NCOR1: variants seen among roughly 807,000 people sequenced by gnomAD.
The protein encoded by NCOR1 is nuclear receptor corepressor 1, also known as protein phosphatase 1, regulatory subunit 109.
In NCOR1, 63 loss-of-function variants were observed where a neutral mutation model predicts 288.1. The ratio of observed to expected loss-of-function variants is 0.22; its 90% CI spans 0.18 to 0.27. The LOEUF (loss-of-function observed/expected upper bound fraction) is 0.27, where lower values mean the gene tolerates loss of function less well. NCOR1 is among the 10% of genes least tolerant of loss of function. The pLI is 1.00. For synonymous variants in NCOR1, 1,007 were observed against 1,065.9 expected (o/e 0.94, Z 1.08); for missense variants, 2,397 against 3,019.2 (o/e 0.79, Z 4.83).
chr17:16,144,610 A>G (rs2077589759), intron 10 of NCOR1, among the ~76,000 whole-genome samples: 1 of 151,218 alleles, frequency 6.6e-6, no homozygotes, highest in South Asian at 2.1e-4. Flanking sequence ...TCCACCCTCC[A>G]CCTTCTAATA....
intron 14 of NCOR1, among the ~76,000 whole-genome samples, chr17:16,136,736 G>A (rs1432714396): frequency 6.6e-6 from 1 of 151,170 alleles, no homozygotes; most frequent in Non-Finnish European, 1.5e-5. Context: ...GAACCCAGGA[G>A]GCGGAGGTTG....
intron 1 of NCOR1, among the ~76,000 whole-genome samples, chr17:16,203,770 C>T (rs2091161607): frequency 6.6e-6 from 1 of 152,110 alleles, no homozygotes; most frequent in Non-Finnish European, 1.5e-5. Flanking sequence ...ATATACGAGA[C>T]TTATCTGTAC....
At chr17:16,055,382 G>A (rs1050303212) in intron 40 of NCOR1, among the ~76,000 whole-genome samples, 1 of 152,224 alleles carries the variant, frequency 6.6e-6, no homozygotes, top group Non-Finnish European at 1.5e-5. Context: ...CAGGGACATG[G>A]ATGGAGCTGG....
chr17:16,096,166 AGTACCAG>A (rs1255035131), intron 21 of NCOR1, among the ~76,000 whole-genome samples: 1 of 152,198 alleles, frequency 6.6e-6, no homozygotes, highest in East Asian at 1.9e-4. Context: ...CCCAATCTCA[AGTACCAG>A]GGACACAAAC....
At chr17:16,050,549 T>C (rs2059187594) in intron 40 of NCOR1, among the ~76,000 whole-genome samples, 1 of 152,190 alleles carries the variant, frequency 6.6e-6, no homozygotes, top group African/African-American at 2.4e-5. Context: ...ACATAGCGAT[T>C]ATGCATATGA....
At chr17:16,212,335 T>C (rs1057031017) in intron 1 of NCOR1, among the ~76,000 whole-genome samples, 2 of 152,168 alleles carry the variant, frequency 1.3e-5, no homozygotes, top group Admixed American at 1.3e-4. Context: ...ACTGATCTGC[T>C]CGACTATATT....
At chr17:16,214,883 T>C (rs1169329415) in intron 1 of NCOR1, among the ~76,000 whole-genome samples, 5 of 152,216 alleles carry the variant, frequency 3.3e-5, no homozygotes, top group South Asian at 2.1e-4. Context: ...AAGCGGTCTG[T>C]TAGAAAGGTG....
intron 1 of NCOR1, among the ~76,000 whole-genome samples, chr17:16,212,050 G>T (rs184782405): frequency 6.6e-6 from 1 of 152,154 alleles, no homozygotes; most frequent in African/African-American, 2.4e-5. Context: ...GGCCAAGGCG[G>T]GTAGATCATG....
chr17:16,174,868 T>C (rs971631419), intron 3 of NCOR1, among the ~76,000 whole-genome samples: 1 of 152,148 alleles, frequency 6.6e-6, no homozygotes, highest in Non-Finnish European at 1.5e-5. Context: ...AGTTACCACA[T>C]GACCCAGCAA....
chr17:16,046,640 A>G (rs1597806967), intron 42 of NCOR1, among the ~76,000 whole-genome samples: 1 of 152,334 alleles, frequency 6.6e-6, no homozygotes, highest in East Asian at 1.9e-4. Flanking sequence ...GACAAAATGA[A>G]GACTGATGGG....
rs2065477335 is a variant in NCOR1, at chr17:16,092,673, ATATATATATATATATATATATATTTT to A, written c.2821-641_2821-616del. The stretch of plus-strand genomic sequence containing the variant: ...TATATATATATATATATATATATAT[ATATATATATATATATATATATATTTT>A]TTTTTTTTTTTTTTTTTAAGACATA... On this transcript the variant is annotated intron_variant, in intron 21 of 45. Coordinates refer to ENST00000268712, the MANE Select transcript of NCOR1 (RefSeq NM_006311.4). Among the ~76,000 whole-genome samples, 6 of 16,316 alleles carry A rather than the reference ATATATATATATATATATATATATTTT, an allele frequency of 3.7e-4. 1 individual carries two copies. The highest frequency in any genetic ancestry group is 5.3e-4 in the Non-Finnish European group (5 of 9,416). The allele number at this position is 16,316 out of a possible 152,430, so 10.7% of individuals were successfully genotyped here. A position where few individuals can be genotyped will look rare whatever the true frequency, so the allele number is the denominator to read the frequency against.
intron 2 of NCOR1, among the ~76,000 whole-genome samples, chr17:16,193,267 G>A (rs1037094159): frequency 6.6e-6 from 1 of 152,002 alleles, no homozygotes; most frequent in Non-Finnish European, 1.5e-5. Context: ...TTTCACTCTT[G>A]TTGCCCAGGC....
chr17:16,043,361 T>C (rs565838391), intron 42 of NCOR1, among the ~76,000 whole-genome samples: 84 of 152,268 alleles, frequency 5.5e-4, no homozygotes, highest in African/African-American at 1.8e-3. Flanking sequence ...CACTGGTTCT[T>C]TAATATAAAT....
Position 16,215,415 on chromosome 17 carries a change from C to T in NCOR1, c.-124G>A. ...GTGCGCCCCGGCCTGAGGAGTGGGA[C>T]GCGGCCACGGCGCGCGGCCCTACAC... On this transcript the variant is annotated 5_prime_UTR_variant, in exon 1 of 46. Coordinates refer to ENST00000268712, the MANE Select transcript of NCOR1 (RefSeq NM_006311.4). 1 of 396,118 alleles carries T rather than the reference C, an allele frequency of 2.5e-6. No homozygotes were observed. Among genetic ancestry groups the T allele is most frequent in the Non-Finnish European group, 4.5e-6 (1 of 224,388 alleles). The allele number at this position is 396,118 out of a possible 1,614,324, so 24.5% of individuals were successfully genotyped here.
rs567520889 is a variant in NCOR1 at position 16,103,277 on chromosome 17, CA to C, written c.2183-1521del. On this transcript the variant is annotated intron_variant, in intron 19 of 45. Coordinates refer to ENST00000268712, the MANE Select transcript of NCOR1 (RefSeq NM_006311.4). ...CCCCATATCCAGCCTTGACAAGGCT[CA>C]CTGATTTTCTCTCTAAAAATTTCTC... 3.3e-5 allele frequency among the ~76,000 whole-genome samples: 5 copies of C among 152,338 alleles called. No individual in the cohort carries two copies. In the East Asian group the frequency reaches 9.6e-4, roughly 29 times the overall value.
At chr17:16,151,333 A>T (rs1206442953) in intron 8 of NCOR1, among the ~76,000 whole-genome samples, 3 of 152,184 alleles carry the variant, frequency 2.0e-5, no homozygotes, top group Non-Finnish European at 4.4e-5. Flanking sequence ...TAGGATGAGC[A>T]AGGCTAAGCA....
chr17:16,092,695 A>ATT lies in NCOR1; in HGVS notation c.2821-639_2821-638dup, dbSNP rs1184440315. Among the ~76,000 whole-genome samples, 100 of 22,574 alleles carry ATT rather than the reference A, an allele frequency of 4.4e-3. 9 individuals carry two copies. Among genetic ancestry groups the ATT allele is most frequent in the Non-Finnish European group, 4.9e-3 (71 of 14,502 alleles). The allele number at this position is 22,574 out of a possible 152,430, so 14.8% of individuals were successfully genotyped here. A position where few individuals can be genotyped will look rare whatever the true frequency, so the allele number is the denominator to read the frequency against. ...TATATATATATATATATATATATAT[A>ATT]TTTTTTTTTTTTTTTTTTTTTAAGA... is the stretch of plus-strand genomic sequence containing the variant. On this transcript the variant is annotated intron_variant, in intron 21 of 45. Coordinates refer to ENST00000268712, the MANE Select transcript of NCOR1 (RefSeq NM_006311.4).
In NCOR1 at chr17:16,101,330, C is replaced by A. The variant is rs749708155; in HGVS notation, c.2610G>T (p.Arg870Ser). The change falls in exon 20 of 46, where the codon AGG becomes AGT. Residue 870 changes from arginine to serine, a missense_variant. Arg to Ser is a moderately radical substitution (Grantham distance 110). Coordinates refer to ENST00000268712, the MANE Select transcript of NCOR1 (RefSeq NM_006311.4). ...LVVAQQINAQRPEPQSDNDSS... is the reference protein window; with the variant it reads ...LVVAQQINAQSPEPQSDNDSS... Reference sequence around the variant, plus strand: ...AATCATTGTCTGACTGGGGCTCGGGCCTTTGGGCATTTATTTGCTGAGCTA... The same window carrying A: ...AATCATTGTCTGACTGGGGCTCGGGACTTTGGGCATTTATTTGCTGAGCTA... 7 of 1,613,916 alleles carry A rather than the reference C, an allele frequency of 4.3e-6. No homozygotes were observed. The East Asian group carries it at 6.7e-5, about 15-fold the overall frequency.
At chr17:16,179,875 G>A (rs178829) in intron 3 of NCOR1, among the ~76,000 whole-genome samples, 62,958 of 150,100 alleles carry the variant, frequency 0.42, 14,980 homozygotes, top group Middle Eastern at 0.56. Context: ...TTAGCCGGGC[G>A]TGAAGCCGGG....
Sources: allele counts gnomAD v4.1 joint callset (sites outside exome capture counted in the v4.1 genomes callset), GRCh38; gene constraint gnomAD v4.1.1; transcripts MANE v1.5; gene names NCBI Gene and HGNC (gene_info 2026-07-23, HGNC 2026-07-21).